Variants in ST7 observed in about 807,000 individuals in gnomAD.
ST7 encodes the protein suppression of tumorigenicity 7.
Under a neutral mutation model 78.7 loss-of-function variants are expected in ST7, and 28 were observed. That is an observed-to-expected ratio of 0.36 (90% CI 0.26 to 0.49). The LOEUF is 0.49. Among genes scored for constraint, ST7 ranks in the 20% least tolerant of loss-of-function variants. ST7 has a pLI of 0.99. For missense variants in ST7, 418 were observed against 696.0 expected, an observed-to-expected ratio of 0.60 and a Z score of 4.49; for synonymous variants, 247 against 249.6, an observed-to-expected ratio of 0.99 and a Z score of 0.10.
intron 9 of ST7, among the ~76,000 whole-genome samples, chr7:117,151,875 T>C (rs1806271563): frequency 6.6e-6 from 1 of 151,976 alleles, no homozygotes. Context: ...ATCTCAGCAC[T>C]TAGGGAGGCT....
chr7:117,067,236 C>G (rs1291396509), intron 1 of ST7, among the ~76,000 whole-genome samples: 1 of 151,888 alleles, frequency 6.6e-6, no homozygotes, highest in East Asian at 1.9e-4. Flanking sequence ...CATGTGTTTT[C>G]AATCCTTGTG....
At chr7:117,126,511 G>A (rs545641944) in intron 3 of ST7, among the ~76,000 whole-genome samples, 3 of 151,866 alleles carry the variant, frequency 2.0e-5, no homozygotes, top group Admixed American at 6.6e-5. Flanking sequence ...TTTCTGCCAA[G>A]GCTAAATGTT....
rs1286369747 is a variant in ST7 at position 117,172,153 on chromosome 7, A to T, written c.1078+1177A>T. On this transcript the variant is annotated intron_variant, in intron 10 of 15. Transcript: ENST00000323984. Reference sequence around the variant, plus strand: ...TTTTTTGTAGAGACTGGTTATCGTTATGTTACCCAGGCTGGTCTCAAACTC... The same window carrying T: ...TTTTTTGTAGAGACTGGTTATCGTTTTGTTACCCAGGCTGGTCTCAAACTC... Among the ~76,000 whole-genome samples, 3 of 152,002 alleles carry T rather than the reference A, an allele frequency of 2.0e-5. No individual in the cohort carries two copies. The East Asian group carries it at 5.8e-4, about 29-fold the overall frequency.
intron 13 of ST7, among the ~76,000 whole-genome samples, chr7:117,210,451 A>G (rs1563171365): frequency 6.6e-6 from 1 of 152,226 alleles, no homozygotes; most frequent in Non-Finnish European, 1.5e-5. Flanking sequence ...TGTAGCATTC[A>G]TGTATTAACG....
chr7:117,019,063 T>C (rs1311046291), intron 1 of ST7, among the ~76,000 whole-genome samples: 1 of 152,216 alleles, frequency 6.6e-6, no homozygotes, highest in Non-Finnish European at 1.5e-5. Context: ...TCCACTTTCA[T>C]AGCAGAATTT....
intron 2 of ST7, among the ~76,000 whole-genome samples, chr7:117,104,686 G>A (rs113289897): frequency 0.013 from 1,939 of 152,278 alleles, 38 homozygotes; most frequent in African/African-American, 0.043. Context: ...TTGCAGCACT[G>A]TTCATAATAG....
At chr7:117,174,930 C>G (rs1808244367) in intron 10 of ST7, among the ~76,000 whole-genome samples, 1 of 152,134 alleles carries the variant, frequency 6.6e-6, no homozygotes, top group African/African-American at 2.4e-5. Flanking sequence ...TGTAAGCCTC[C>G]CAAAAGTGAT....
At chr7:117,004,551 C>T (rs1242745789) in intron 1 of ST7, among the ~76,000 whole-genome samples, 1 of 152,092 alleles carries the variant, frequency 6.6e-6, no homozygotes, top group East Asian at 1.9e-4. Context: ...GTCCCAGCTA[C>T]TTGGGAGGCT....
intron 5 of ST7, 137 bp downstream of exon 5, chr7:117,130,743 G>T: frequency 1.8e-6 from 1 of 550,830 alleles, no homozygotes; most frequent in Admixed American, 3.7e-5. Context: ...TAAGAACCCA[G>T]AACTCTGATA....
intron 3 of ST7, among the ~76,000 whole-genome samples, chr7:117,125,615 AT>A (rs1803771668): frequency 1.3e-5 from 2 of 152,200 alleles, no homozygotes; most frequent in South Asian, 2.1e-4. Flanking sequence ...AATGTAGAGA[AT>A]TGGGTATTCA....
intron 9 of ST7, among the ~76,000 whole-genome samples, chr7:117,156,311 A>G (rs1017440802): frequency 1.3e-5 from 2 of 152,232 alleles, no homozygotes; most frequent in African/African-American, 4.8e-5. Context: ...AAGAAATGGT[A>G]TAATCAAGGA....
intron 9 of ST7, among the ~76,000 whole-genome samples, chr7:117,167,000 G>A (rs1358526729): frequency 4.6e-5 from 7 of 152,012 alleles, no homozygotes; most frequent in African/African-American, 1.7e-4. Context: ...CAACGTATGA[G>A]GGGCATAAGT....
chr7:116,955,092 T>C (rs1007781501), intron 1 of ST7: 7 of 470,968 alleles, frequency 1.5e-5, no homozygotes, highest in Middle Eastern at 6.5e-4. Flanking sequence ...ACCATGGCTT[T>C]CTCGCTTTTC....
At chr7:117,134,688 T>C (rs1804638646) in intron 7 of ST7, among the ~76,000 whole-genome samples, 1 of 152,082 alleles carries the variant, frequency 6.6e-6, no homozygotes, top group East Asian at 1.9e-4. Context: ...ATCTGAAGCC[T>C]TAAGCATTTC....
chr7:117,161,703 G>A (rs547151390), intron 9 of ST7, among the ~76,000 whole-genome samples: 157 of 149,140 alleles, frequency 1.1e-3, no homozygotes, highest in African/African-American at 3.7e-3. Context: ...GGGTTTAAGC[G>A]ATTCTCCTGC....
chr7:117,217,008 A>T (rs972488607), intron 13 of ST7, among the ~76,000 whole-genome samples: 3 of 152,190 alleles, frequency 2.0e-5, no homozygotes, highest in Non-Finnish European at 4.4e-5. Flanking sequence ...TTCTATATGC[A>T]TGCCAAATAT....
At chr7:116,966,799 A>C (rs375174002) in intron 1 of ST7, among the ~76,000 whole-genome samples, 2 of 152,216 alleles carry the variant, frequency 1.3e-5, no homozygotes, top group Admixed American at 6.5e-5. Flanking sequence ...TTCACCTTGC[A>C]TTTAATTGAA....
At chr7:117,051,484 G>A (rs905379015) in intron 1 of ST7, among the ~76,000 whole-genome samples, 2 of 152,184 alleles carry the variant, frequency 1.3e-5, no homozygotes, top group African/African-American at 4.8e-5. Context: ...ACAGAGGCAA[G>A]GGCTAGGTCA....
intron 5 of ST7, 48 bp downstream of exon 5, chr7:117,130,654 A>C: frequency 7.1e-7 from 1 of 1,418,266 alleles, no homozygotes. Flanking sequence ...TTTTTGGCTT[A>C]AGTGTCAAGA....
Sources: gnomAD v4.1 joint callset for allele counts (sites outside exome capture counted in the v4.1 genomes callset) on GRCh38, gnomAD v4.1.1 for gene constraint, MANE v1.5 for transcripts, NCBI Gene and HGNC (gene_info 2026-07-23, HGNC 2026-07-21) for gene names.